MYOM1: variants seen among roughly 807,000 people sequenced by gnomAD.
MYOM1 encodes myomesin-1.
Under a neutral mutation model 205.3 loss-of-function variants are expected in MYOM1, and 164 were observed. The observed-to-expected ratio is 0.80, with a 90% CI of 0.70 to 0.91. The LOEUF is 0.91. Among genes scored for constraint, MYOM1 ranks in the 40% least tolerant of loss-of-function variants. The pLI is 0.00. For missense variants in MYOM1, 2,011 were observed against 2,127.3 expected (o/e 0.95, Z 1.08); for synonymous variants, 772 against 789.4 (o/e 0.98, Z 0.37).
chr18:3,205,394 A>C (rs1004037920), intron 2 of MYOM1, among the ~76,000 whole-genome samples: 25 of 152,308 alleles, frequency 1.6e-4, no homozygotes, highest in Non-Finnish European at 3.2e-4. Flanking sequence ...ATCCAATTAA[A>C]AAATGGGCAA....
chr18:3,145,636 C>T (rs1310763089), intron 13 of MYOM1, among the ~76,000 whole-genome samples: 1 of 151,770 alleles, frequency 6.6e-6, no homozygotes, highest in African/African-American at 2.4e-5. Flanking sequence ...TAAAGGAGTA[C>T]TTAGAAAAAA....
At chr18:3,155,436 G>A (rs542907907) in intron 10 of MYOM1, among the ~76,000 whole-genome samples, 13 of 152,324 alleles carry the variant, frequency 8.5e-5, no homozygotes, top group East Asian at 5.8e-4. Flanking sequence ...GTGTTAGCCA[G>A]GATGGTCTTG....
At chr18:3,192,875 T>G (rs989236667) in intron 3 of MYOM1, among the ~76,000 whole-genome samples, 1 of 141,688 alleles carries the variant, frequency 7.1e-6, no homozygotes, top group Non-Finnish European at 1.6e-5. Flanking sequence ...GCATTCAAAT[T>G]ATGATGAGAT....
intron 34 of MYOM1, among the ~76,000 whole-genome samples, chr18:3,078,419 T>C (rs2079044874): frequency 2.7e-5 from 1 of 36,374 alleles, no homozygotes; most frequent in African/African-American, 5.6e-5. Flanking sequence ...GTATAGACTA[T>C]TTTATTTTAT....
chr18:3,131,031 G>T (rs972681688), intron 17 of MYOM1, among the ~76,000 whole-genome samples: 4 of 152,212 alleles, frequency 2.6e-5, no homozygotes, highest in African/African-American at 9.6e-5. Context: ...GATGATCTGT[G>T]TTATGGGTGA....
At chr18:3,215,731 T>C (rs967342815) in intron 1 of MYOM1, among the ~76,000 whole-genome samples, 3 of 152,136 alleles carry the variant, frequency 2.0e-5, no homozygotes, top group African/African-American at 4.8e-5. Context: ...CCTCCTGTCA[T>C]TGTACCTTTT....
At chr18:3,107,934 G>A (rs971188167) in intron 22 of MYOM1, among the ~76,000 whole-genome samples, 1 of 152,210 alleles carries the variant, frequency 6.6e-6, no homozygotes, top group Admixed American at 6.5e-5. Context: ...CTGCTTAGAT[G>A]TTATGTGGCC....
intron 2 of MYOM1, among the ~76,000 whole-genome samples, chr18:3,194,909 T>TAAA (rs5822742): frequency 0.27 from 39,548 of 146,978 alleles, 5,712 homozygotes; most frequent in Non-Finnish European, 0.34. Context: ...AAACTATTCT[T>TAAA]AAAAAAAAAA....
chr18:3,204,654 A>G (rs2081108558), intron 2 of MYOM1, among the ~76,000 whole-genome samples: 1 of 151,956 alleles, frequency 6.6e-6, no homozygotes, highest in Non-Finnish European at 1.5e-5. Context: ...TTCAAAATTG[A>G]TCTACAGATT....
upstream of MYOM1, among the ~76,000 whole-genome samples, chr18:3,223,493 G>C (rs943218812): frequency 1.3e-5 from 2 of 152,142 alleles, no homozygotes; most frequent in African/African-American, 2.4e-5. Flanking sequence ...ATCATATTTG[G>C]CATCTAGTCC....
chr18:3,161,601 A>ATAGAGGG (rs1270229004), intron 10 of MYOM1, among the ~76,000 whole-genome samples: 2 of 152,230 alleles, frequency 1.3e-5, no homozygotes, highest in Admixed American at 1.3e-4. Flanking sequence ...CCCAGGGCAC[A>ATAGAGGG]GTGCAATAAC....
chr18:3,215,495 C>T (rs1567973171), intron 1 of MYOM1, among the ~76,000 whole-genome samples: 1 of 151,940 alleles, frequency 6.6e-6, no homozygotes, highest in African/African-American at 2.4e-5. Context: ...CCCAGCTACT[C>T]CGGAGGCTGA....
At chr18:3,140,741 A>G (rs1314055575) in intron 14 of MYOM1, among the ~76,000 whole-genome samples, 1 of 152,194 alleles carries the variant, frequency 6.6e-6, no homozygotes, top group Non-Finnish European at 1.5e-5. Context: ...AATGATCAAA[A>G]CAGTATTAAG....
intron 13 of MYOM1, 100 bp downstream of exon 13, chr18:3,149,045 C>G (rs2080178569): frequency 2.2e-6 from 2 of 916,264 alleles, no homozygotes; most frequent in Non-Finnish European, 3.6e-6. Flanking sequence ...AATGTTCTTA[C>G]CAAAACATCT....
intron 10 of MYOM1, among the ~76,000 whole-genome samples, chr18:3,158,912 C>A (rs894966300): frequency 6.6e-6 from 1 of 152,156 alleles, no homozygotes; most frequent in Non-Finnish European, 1.5e-5. Flanking sequence ...CTGTGCCCAG[C>A]CTCATTTCAA....
intron 29 of MYOM1, 46 bp from the exon 30 acceptor site, chr18:3,086,197 C>A: frequency 7.9e-7 from 1 of 1,273,784 alleles, no homozygotes; most frequent in Non-Finnish European, 1.1e-6. Flanking sequence ...AGAAAGTGTA[C>A]TCTTGTGAAG....
chr18:3,111,644 A>T (rs888919672), intron 22 of MYOM1, among the ~76,000 whole-genome samples: 20 of 152,198 alleles, frequency 1.3e-4, no homozygotes, highest in East Asian at 5.8e-4. Context: ...ATTATACAAG[A>T]TTGAAATTTT....
At chr18:3,077,399 T>A (rs10502311) in intron 34 of MYOM1, among the ~76,000 whole-genome samples, 1 of 152,034 alleles carries the variant, frequency 6.6e-6, no homozygotes, top group African/African-American at 2.4e-5. Context: ...GTCTAGAGAA[T>A]GCTTAGATAA....
chr18:3,163,744 G>A (rs552388483), intron 10 of MYOM1, among the ~76,000 whole-genome samples: 9 of 152,186 alleles, frequency 5.9e-5, no homozygotes, highest in East Asian at 3.9e-4. Flanking sequence ...ATGAGCCACC[G>A]GGCCTAGGTC....
Sources: gnomAD v4.1 joint callset for allele counts (sites outside exome capture counted in the v4.1 genomes callset) on GRCh38, gnomAD v4.1.1 for gene constraint, MANE v1.5 for transcripts, NCBI Gene and HGNC (gene_info 2026-07-23, HGNC 2026-07-21) for gene names.